MAML2: variants seen among roughly 807,000 people sequenced by gnomAD.
MAML2 encodes the protein mastermind-like protein 2.
Under a neutral mutation model 96.1 loss-of-function variants are expected in MAML2, and 22 were observed. The observed-to-expected ratio is 0.23, with a 90% CI of 0.16 to 0.33. MAML2 has a LOEUF of 0.33. Among genes scored for constraint, MAML2 ranks in the 10% least tolerant of loss-of-function variants. The pLI is 1.00. For synonymous variants in MAML2, 561 were observed against 521.3 expected (o/e 1.08, Z -1.04); for missense variants, 1,367 against 1,392.4 (o/e 0.98, Z 0.29).
chr11:96,183,420 A>G (rs1467389689), intron 1 of MAML2, among the ~76,000 whole-genome samples: 2 of 648 alleles, frequency 3.1e-3, no homozygotes, highest in Admixed American at 8.3e-3. Context: ...TTTTGAGACA[A>G]GGGTTCTCTC....
intron 1 of MAML2, among the ~76,000 whole-genome samples, chr11:96,099,973 C>T (rs1303716134): frequency 6.6e-6 from 1 of 152,090 alleles, no homozygotes; most frequent in Non-Finnish European, 1.5e-5. Flanking sequence ...TCTGAAGTCA[C>T]GAGAATGTGA....
chr11:96,082,763 G>A (rs573079012), intron 2 of MAML2, among the ~76,000 whole-genome samples: 1 of 152,196 alleles, frequency 6.6e-6, no homozygotes, highest in African/African-American at 2.4e-5. Flanking sequence ...CTGGAAAGAA[G>A]GAGGTAAAAA....
intron 1 of MAML2, among the ~76,000 whole-genome samples, chr11:96,298,273 A>C (rs12280513): frequency 6.6e-6 from 1 of 152,180 alleles, no homozygotes; most frequent in African/African-American, 2.4e-5. Context: ...AATGAAATGC[A>C]TATGTGCTAA....
intron 2 of MAML2, among the ~76,000 whole-genome samples, chr11:96,025,899 C>A (rs894061476): frequency 4.6e-5 from 7 of 152,134 alleles, no homozygotes; most frequent in Non-Finnish European, 2.9e-5. Flanking sequence ...TCTGTTATAG[C>A]CTCTGATTAT....
chr11:96,202,177 C>CA (rs35124521), intron 1 of MAML2, among the ~76,000 whole-genome samples: 1,027 of 75,814 alleles, frequency 0.014, 10 homozygotes, highest in Non-Finnish European at 0.019. Flanking sequence ...ACTAAAAATA[C>CA]AAAAAAAAAA....
chr11:96,174,614 C>G (rs975565153), intron 1 of MAML2, among the ~76,000 whole-genome samples: 2 of 152,174 alleles, frequency 1.3e-5, no homozygotes, highest in Admixed American at 6.5e-5. Context: ...GAACTCCTGA[C>G]CTCAGGTGAT....
At chr11:96,136,807 A>C (rs1167452982) in intron 1 of MAML2, among the ~76,000 whole-genome samples, 2 of 152,372 alleles carry the variant, frequency 1.3e-5, no homozygotes, top group East Asian at 3.9e-4. Flanking sequence ...CCTTTCACTT[A>C]GATCAAAATC....
intron 1 of MAML2, among the ~76,000 whole-genome samples, chr11:96,309,411 C>T (rs1281243182): frequency 6.6e-6 from 1 of 152,198 alleles, no homozygotes; most frequent in Non-Finnish European, 1.5e-5. Flanking sequence ...GGAATCTGTA[C>T]AGAGAACTTC....
At chr11:96,046,153 G>A (rs1362995254) in intron 2 of MAML2, among the ~76,000 whole-genome samples, 1 of 152,046 alleles carries the variant, frequency 6.6e-6, no homozygotes, top group African/African-American at 2.4e-5. Flanking sequence ...GAGCAGGCAG[G>A]GGGCAGGAGG....
chr11:96,138,086 C>A (rs77716194), intron 1 of MAML2, among the ~76,000 whole-genome samples: 78 of 152,246 alleles, frequency 5.1e-4, no homozygotes, highest in African/African-American at 1.9e-3. Flanking sequence ...AAGTCCTTCA[C>A]ATATTTAGGC....
chr11:96,341,750 T>C lies in MAML2; in HGVS notation c.146A>G (p.Gln49Arg). The change falls in exon 1 of 5, where the codon CAA becomes CGA. Residue 49 changes from glutamine to arginine, a missense_variant. By Grantham distance (43) the Gln-to-Arg change is conservative. Transcript: ENST00000524717. ...TCGTCCTTCACAGCTCAGGTGGTGT[T>C]GGCGGCAGACAGCGATCCGAGCCCG... ...RLRARIAVCR[Q>R]HHLSCEGRYE... The C allele has an allele frequency of 6.2e-7, 1 of 1,613,092 alleles. No homozygotes were observed. The highest frequency in any genetic ancestry group is 8.5e-7 in the Non-Finnish European group (1 of 1,179,722).
chr11:96,239,189 C>A (rs1408079392), intron 1 of MAML2, among the ~76,000 whole-genome samples: 1 of 152,228 alleles, frequency 6.6e-6, no homozygotes, highest in Admixed American at 6.5e-5. Context: ...AAATGTGGTG[C>A]TGTTCTCTAA....
intron 1 of MAML2, among the ~76,000 whole-genome samples, chr11:96,253,978 T>A (rs1314291863): frequency 6.6e-6 from 1 of 152,186 alleles, no homozygotes; most frequent in Non-Finnish European, 1.5e-5. Flanking sequence ...TGATGAGAAG[T>A]CTTTGCAAAG....
At chr11:96,088,342 T>C (rs778274411) in intron 2 of MAML2, among the ~76,000 whole-genome samples, 79 of 152,162 alleles carry the variant, frequency 5.2e-4, no homozygotes, top group Non-Finnish European at 9.4e-4. Context: ...GATCCAATGT[T>C]AGAAAAAAAT....
chr11:96,264,534 A>G (rs1341408780), intron 1 of MAML2, among the ~76,000 whole-genome samples: 4 of 152,232 alleles, frequency 2.6e-5, no homozygotes, highest in Admixed American at 2.6e-4. Flanking sequence ...GTGTTCTATT[A>G]GGAGTCAGGT....
At chr11:96,045,412 T>G (rs1858880899) in intron 2 of MAML2, among the ~76,000 whole-genome samples, 1 of 152,158 alleles carries the variant, frequency 6.6e-6, no homozygotes, top group Admixed American at 6.5e-5. Context: ...CAGCCTCAGT[T>G]TCCTCATCTG....
At chr11:96,156,386 C>T (rs1861011933) in intron 1 of MAML2, among the ~76,000 whole-genome samples, 3 of 152,186 alleles carry the variant, frequency 2.0e-5, no homozygotes, top group Non-Finnish European at 2.9e-5. Flanking sequence ...AGGGAAGAGG[C>T]ATCTCTGCGG....
At chr11:96,233,889 G>A (rs1353306606) in intron 1 of MAML2, among the ~76,000 whole-genome samples, 3 of 152,156 alleles carry the variant, frequency 2.0e-5, no homozygotes, top group East Asian at 3.9e-4. Flanking sequence ...CAGAAGAAGC[G>A]AAGAAGTAGT....
intron 2 of MAML2, among the ~76,000 whole-genome samples, chr11:96,036,938 T>G (rs1858722819): frequency 6.6e-6 from 1 of 152,194 alleles, no homozygotes. Flanking sequence ...ATCCTAAACT[T>G]GGAGCACCAT....
Sources: allele counts gnomAD v4.1 joint callset (sites outside exome capture counted in the v4.1 genomes callset), GRCh38; gene constraint gnomAD v4.1.1; transcripts MANE v1.5; gene names NCBI Gene and HGNC (gene_info 2026-07-23, HGNC 2026-07-21).